Variants in GPHN observed in about 807,000 individuals in gnomAD.
GPHN encodes gephyrin.
Under a neutral mutation model 95.5 loss-of-function variants are expected in GPHN, and 17 were observed. That is an observed-to-expected ratio of 0.18 (90% CI 0.12 to 0.27). The LOEUF (loss-of-function observed/expected upper bound fraction) is 0.27. Among genes scored for constraint, GPHN ranks in the 10% least tolerant of loss-of-function variants. The pLI is 1.00. For missense variants in GPHN, 660 were observed against 978.1 expected (o/e 0.67, Z 4.34); for synonymous variants, 320 against 322.5 (o/e 0.99, Z 0.08).
At chr14:67,579,947 T>C in the GPHN span, 2 of 1,398,034 alleles carry the variant, frequency 1.4e-6, no homozygotes, top group Non-Finnish European at 2.0e-6. Flanking sequence ...AAAGAGCCCA[T>C]CTGATGGGTG....
At position 66,581,228 on chromosome 14, in the gene GPHN, T is replaced by C. The variant is rs948556953; in HGVS notation, c.64+72637T>C. Among the ~76,000 whole-genome samples the C allele has an allele frequency of 7.2e-5, 10 of 139,032 alleles. 1 individual carries two copies. The highest frequency in any genetic ancestry group is 1.3e-4 in the Non-Finnish European group (8 of 62,576). 91.2% of individuals were successfully genotyped at this position (139,032 alleles called of 152,430 possible). On this transcript the variant is annotated intron_variant, in intron 1 of 22. Transcript: ENST00000478722. ...ACTCAACAGTAGGAAGGTGAAGATG[T>C]AAAAAAAAAAAAAAGATGTAAATTA...
chr14:66,638,683 AT>A (rs1484366145), intron 1 of GPHN, among the ~76,000 whole-genome samples: 3 of 150,946 alleles, frequency 2.0e-5, no homozygotes, highest in Non-Finnish European at 4.4e-5. Flanking sequence ...AGAATTTTTA[AT>A]TTTTTTTTCA....
chr14:66,712,532 T>C (rs1416998186), intron 2 of GPHN, among the ~76,000 whole-genome samples: 1 of 152,226 alleles, frequency 6.6e-6, no homozygotes, highest in Non-Finnish European at 1.5e-5. Context: ...ATTCTGGAGA[T>C]ATTAGCCCTT....
At chr14:66,961,925 T>C (rs1480957890) in intron 8 of GPHN, among the ~76,000 whole-genome samples, 2 of 78,360 alleles carry the variant, frequency 2.6e-5, no homozygotes, top group Non-Finnish European at 4.0e-5. Context: ...TATATATATA[T>C]ATATATATAT....
chr14:67,645,909 C>T, the GPHN span: 1 of 1,274,614 alleles, frequency 7.8e-7, no homozygotes, highest in South Asian at 1.4e-5. Flanking sequence ...TGTGGATTAC[C>T]ACTCCTTCAT....
Position 66,937,450 on chromosome 14 carries a change from A to G in GPHN, c.828+13158A>G, listed in dbSNP as rs564116355. 1.1e-4 allele frequency among the ~76,000 whole-genome samples: 16 copies of G among 151,040 alleles called. No homozygotes were observed. The South Asian group carries it at 3.1e-3, about 30-fold the overall frequency. On this transcript the variant is annotated intron_variant, in intron 8 of 22. Coordinates refer to ENST00000478722, the MANE Select transcript of GPHN (RefSeq NM_020806.5). ...GGCTGGAGCGCAGTGGCACAATCTC[A>G]GCTCACTGCAACCTCCACTTCCCGG...
At chr14:66,972,759 A>C (rs1295132629) in intron 9 of GPHN, among the ~76,000 whole-genome samples, 2 of 152,096 alleles carry the variant, frequency 1.3e-5, no homozygotes, top group African/African-American at 4.8e-5. Context: ...TATTACATTG[A>C]GGATATAGTA....
chr14:67,459,039 C>T, the GPHN span, among the ~76,000 whole-genome samples: 1 of 152,282 alleles, frequency 6.6e-6, no homozygotes, highest in Admixed American at 6.5e-5. Context: ...AGGCACCCGC[C>T]ACCATGCCAG....
At chr14:66,731,073 C>T (rs909842060) in intron 2 of GPHN, among the ~76,000 whole-genome samples, 3 of 152,176 alleles carry the variant, frequency 2.0e-5, no homozygotes, top group African/African-American at 7.2e-5. Flanking sequence ...GTAAGACATG[C>T]CAGCTTCCCC....
chr14:66,763,373 A>G, intron 2 of GPHN, among the ~76,000 whole-genome samples: 1 of 140,384 alleles, frequency 7.1e-6, no homozygotes, highest in African/African-American at 2.7e-5. Flanking sequence ...TATATCTCCC[A>G]ATGCTATCCC....
the GPHN span, chr14:67,200,280 C>G: frequency 9.1e-5 from 67 of 736,588 alleles, no homozygotes; most frequent in Non-Finnish European, 1.5e-4. Flanking sequence ...CACTCCCCAG[C>G]CACCAGTTGC....
chr14:67,247,052 A>G, the GPHN span, among the ~76,000 whole-genome samples: 1 of 152,160 alleles, frequency 6.6e-6, no homozygotes, highest in Non-Finnish European at 1.5e-5. Context: ...TGCTTTCTGT[A>G]TGATATTTAG....
chr14:67,455,933 C>A, the GPHN span, among the ~76,000 whole-genome samples: 1 of 152,028 alleles, frequency 6.6e-6, no homozygotes, highest in African/African-American at 2.4e-5. Flanking sequence ...AGATTTCATG[C>A]AAAGCAATTG....
the GPHN span, among the ~76,000 whole-genome samples, chr14:67,643,437 C>T: frequency 6.6e-6 from 1 of 152,186 alleles, no homozygotes; most frequent in Non-Finnish European, 1.5e-5. Flanking sequence ...ATTGAGCACT[C>T]CATACATATT....
the GPHN span, among the ~76,000 whole-genome samples, chr14:67,358,911 T>A: frequency 3.9e-5 from 6 of 152,130 alleles, no homozygotes; most frequent in African/African-American, 1.4e-4. Flanking sequence ...TCAAGAAATA[T>A]TTTTTTGTGG....
the GPHN span, among the ~76,000 whole-genome samples, chr14:67,662,856 T>C: frequency 6.7e-6 from 1 of 148,564 alleles, no homozygotes; most frequent in African/African-American, 2.5e-5. Context: ...TGAGCCGAGA[T>C]TGCGCCATTG....
intron 1 of GPHN, among the ~76,000 whole-genome samples, chr14:66,594,303 T>C (rs1161538350): frequency 7.9e-6 from 1 of 126,374 alleles, no homozygotes; most frequent in African/African-American, 4.7e-5. Flanking sequence ...TCCCCAGAAA[T>C]AGAAAAAAAA....
At chr14:67,049,625 G>T (rs2075210447) in intron 10 of GPHN, among the ~76,000 whole-genome samples, 1 of 151,264 alleles carries the variant, frequency 6.6e-6, no homozygotes, top group Non-Finnish European at 1.5e-5. Flanking sequence ...CAATTCTTCT[G>T]CCTCAGCCTC....
chr14:67,663,071 C>G, the GPHN span: 21 of 1,469,210 alleles, frequency 1.4e-5, no homozygotes, highest in African/African-American at 1.7e-4. Flanking sequence ...TTGTTTTTCT[C>G]TGGGTGTGGC....
Sources: gnomAD v4.1 joint callset for allele counts (sites outside exome capture counted in the v4.1 genomes callset) on GRCh38, gnomAD v4.1.1 for gene constraint, MANE v1.5 for transcripts, NCBI Gene and HGNC (gene_info 2026-07-23, HGNC 2026-07-21) for gene names.